DLG2: variants seen among roughly 807,000 people sequenced by gnomAD.
DLG2 encodes disks large homolog 2.
In DLG2, 45 loss-of-function variants were observed where a neutral mutation model predicts 132.5. The observed-to-expected ratio is 0.34, with a 90% CI of 0.27 to 0.44. The LOEUF (loss-of-function observed/expected upper bound fraction) is 0.44, where lower values mean the gene tolerates loss of function less well. Among genes scored for constraint, DLG2 ranks in the 20% least tolerant of loss-of-function variants. The pLI is 1.00. For synonymous variants in DLG2, 424 were observed against 419.6 expected (o/e 1.01, Z -0.13); for missense variants, 1,045 against 1,196.9 (o/e 0.87, Z 1.87).
chr11:84,416,399 C>T (rs2098929870), intron 7 of DLG2, among the ~76,000 whole-genome samples: 1 of 152,070 alleles, frequency 6.6e-6, no homozygotes, highest in Non-Finnish European at 1.5e-5. Context: ...CCTTGTTTCC[C>T]ACTTAAGCAA....
chr11:83,892,402 T>C (rs1026003933), intron 15 of DLG2, among the ~76,000 whole-genome samples: 1 of 152,208 alleles, frequency 6.6e-6, no homozygotes, highest in Non-Finnish European at 1.5e-5. Flanking sequence ...TAATATTTAG[T>C]ATTCATAGCC....
At chr11:84,303,664 G>GA (rs1460499945) in intron 7 of DLG2, among the ~76,000 whole-genome samples, 2 of 152,076 alleles carry the variant, frequency 1.3e-5, no homozygotes, top group Non-Finnish European at 2.9e-5. Context: ...CTTGAATATG[G>GA]AATCTAATTT....
At chr11:85,205,644 A>G (rs2081833987) in intron 4 of DLG2, among the ~76,000 whole-genome samples, 1 of 152,204 alleles carries the variant, frequency 6.6e-6, no homozygotes, top group Admixed American at 6.5e-5. Context: ...AAAATAGCGC[A>G]TGTATCCCCA....
chr11:84,348,973 G>C (rs559686704), intron 7 of DLG2, among the ~76,000 whole-genome samples: 40 of 152,256 alleles, frequency 2.6e-4, no homozygotes, highest in African/African-American at 8.4e-4. Flanking sequence ...TGAACTTCTA[G>C]CCTCTAAAAC....
chr11:84,966,018 A>T (rs569901833), intron 6 of DLG2, among the ~76,000 whole-genome samples: 2 of 152,002 alleles, frequency 1.3e-5, no homozygotes, highest in Non-Finnish European at 2.9e-5. Flanking sequence ...GAGAAAGATT[A>T]GTTTGCTCAT....
chr11:85,526,444 A>G (rs1209918293), intron 3 of DLG2, among the ~76,000 whole-genome samples: 2 of 152,060 alleles, frequency 1.3e-5, no homozygotes, highest in Non-Finnish European at 2.9e-5. Flanking sequence ...ATATCCAAAT[A>G]TCTTTCAAAA....
intron 6 of DLG2, among the ~76,000 whole-genome samples, chr11:84,979,788 T>C (rs891312579): frequency 6.6e-6 from 1 of 151,816 alleles, no homozygotes; most frequent in African/African-American, 2.4e-5. Context: ...ACATGTACCC[T>C]AGAACTTAAA....
intron 15 of DLG2, among the ~76,000 whole-genome samples, chr11:83,888,175 C>T (rs369812713): frequency 0.048 from 7,275 of 150,312 alleles, 257 homozygotes; most frequent in East Asian, 0.16. Context: ...TGTTTGCAGA[C>T]GACATGATTG....
intron 19 of DLG2, among the ~76,000 whole-genome samples, chr11:83,546,964 A>C (rs931681350): frequency 2.0e-5 from 3 of 152,152 alleles, no homozygotes; most frequent in Non-Finnish European, 2.9e-5. Flanking sequence ...CAGGACTCAA[A>C]GCCTGTCTGC....
At chr11:84,856,077 C>T (rs553909192) in intron 6 of DLG2, among the ~76,000 whole-genome samples, 1 of 152,200 alleles carries the variant, frequency 6.6e-6, no homozygotes, top group African/African-American at 2.4e-5. Flanking sequence ...CTAACATCTC[C>T]TGATGCATTC....
chr11:84,097,679 C>A (rs137957810), intron 10 of DLG2, among the ~76,000 whole-genome samples: 1 of 152,258 alleles, frequency 6.6e-6, no homozygotes, highest in East Asian at 1.9e-4. Flanking sequence ...TCCCTCTTCT[C>A]CACTTTATTT....
At chr11:84,861,479 A>C (rs1020182872) in intron 6 of DLG2, among the ~76,000 whole-genome samples, 1 of 152,040 alleles carries the variant, frequency 6.6e-6, no homozygotes, top group Non-Finnish European at 1.5e-5. Context: ...AGGAGGCTTA[A>C]GGGATATTAG....
At chr11:84,277,601 C>T (rs548067587) in intron 7 of DLG2, among the ~76,000 whole-genome samples, 10 of 152,064 alleles carry the variant, frequency 6.6e-5, no homozygotes, top group Non-Finnish European at 1.3e-4. Flanking sequence ...TATCACTACA[C>T]GCTTATATTT....
At position 84,494,044 on chromosome 11, in the gene DLG2, T is replaced by C. The variant is rs77580344; in HGVS notation, c.519+40526A>G. Among the ~76,000 whole-genome samples the C allele has an allele frequency of 3.6e-3, 543 of 152,242 alleles. 3 individuals are homozygous for C. The highest frequency in any genetic ancestry group is 0.013 in the African/African-American group (528 of 41,558). ...ACAGGGTAGGCAGTAGGGACAAGTG[T>C]CATGGCACATAAAAGACAGAGAAGA... On this transcript the variant is annotated intron_variant, in intron 7 of 27. Transcript: ENST00000376104.
intron 6 of DLG2, among the ~76,000 whole-genome samples, chr11:84,814,469 A>G (rs2076892489): frequency 6.6e-6 from 1 of 152,076 alleles, no homozygotes; most frequent in Non-Finnish European, 1.5e-5. Context: ...CCCATAGGGC[A>G]TGGCTCCCCA....
intron 3 of DLG2, among the ~76,000 whole-genome samples, chr11:85,418,157 G>A (rs1055337100): frequency 6.6e-6 from 1 of 151,884 alleles, no homozygotes; most frequent in Non-Finnish European, 1.5e-5. Context: ...TGTTCTCATT[G>A]GTTTCAAAGA....
intron 16 of DLG2, among the ~76,000 whole-genome samples, chr11:83,835,044 T>C (rs1033520750): frequency 6.6e-6 from 1 of 152,244 alleles, no homozygotes; most frequent in Non-Finnish European, 1.5e-5. Flanking sequence ...TATGTATATA[T>C]GCCTTATTAT....
intron 3 of DLG2, among the ~76,000 whole-genome samples, chr11:85,471,888 T>C (rs1263274605): frequency 6.6e-6 from 1 of 151,768 alleles, no homozygotes; most frequent in Admixed American, 6.6e-5. Flanking sequence ...TAGACACCAA[T>C]GACAAAGAAT....
intron 7 of DLG2, among the ~76,000 whole-genome samples, chr11:84,383,502 C>A (rs2098756293): frequency 6.6e-6 from 1 of 152,152 alleles, no homozygotes; most frequent in South Asian, 2.1e-4. Context: ...CCCATGATTA[C>A]CTTACATTAT....
Sources: allele counts gnomAD v4.1 joint callset (sites outside exome capture counted in the v4.1 genomes callset), GRCh38; gene constraint gnomAD v4.1.1; transcripts MANE v1.5; gene names NCBI Gene and HGNC (gene_info 2026-07-23, HGNC 2026-07-21).